NFASC: variants seen among roughly 807,000 people sequenced by gnomAD.
NFASC encodes the protein neurofascin homolog.
A neutral mutation model predicts 147.5 loss-of-function variants in NFASC; 43 were observed. The ratio of observed to expected loss-of-function variants is 0.29; its 90% CI spans 0.23 to 0.38. The LOEUF is 0.38. Among genes scored for constraint, NFASC ranks in the 10% least tolerant of loss-of-function variants. NFASC has a pLI of 1.00. For synonymous variants in NFASC, 622 were observed against 665.5 expected (o/e 0.93, Z 1.01); for missense variants, 1,320 against 1,689.0 (o/e 0.78, Z 3.83).
intron 1 of NFASC, among the ~76,000 whole-genome samples, chr1:204,892,877 T>G (rs1413158250): frequency 6.6e-6 from 1 of 152,276 alleles, no homozygotes; most frequent in Non-Finnish European, 1.5e-5. Context: ...CACGCCCACC[T>G]GGCATTTGAC....
At chr1:204,857,316 T>C (rs1370335028) in intron 1 of NFASC, among the ~76,000 whole-genome samples, 1 of 152,248 alleles carries the variant, frequency 6.6e-6, no homozygotes, top group East Asian at 1.9e-4. Flanking sequence ...TGGCCACTTC[T>C]CGATTCTGCT....
At chr1:204,943,088 A>C (rs1415726876) in intron 2 of NFASC, among the ~76,000 whole-genome samples, 1 of 152,232 alleles carries the variant, frequency 6.6e-6, no homozygotes, top group East Asian at 1.9e-4. Context: ...CGAATAAAAT[A>C]GGAGCAGGAG....
chr1:205,000,533 C>G (rs891648649), intron 25 of NFASC: 1 of 153,902 alleles, frequency 6.5e-6, no homozygotes, highest in African/African-American at 2.4e-5. Flanking sequence ...CACATCTTCT[C>G]TGTGTGGCCT....
At chr1:204,852,223 G>T (rs566363724) in intron 1 of NFASC, among the ~76,000 whole-genome samples, 1 of 152,210 alleles carries the variant, frequency 6.6e-6, no homozygotes, top group South Asian at 2.1e-4. Context: ...GTAAGGCTTG[G>T]CGTGGTAGCT....
chr1:204,967,045 A>G (rs1317474307), intron 8 of NFASC, among the ~76,000 whole-genome samples: 1 of 152,070 alleles, frequency 6.6e-6, no homozygotes, highest in African/African-American at 2.4e-5. Context: ...AGCACCGATT[A>G]AACCCTGGAT....
chr1:204,952,849 G>A (rs1468409771), intron 5 of NFASC, among the ~76,000 whole-genome samples: 2 of 152,166 alleles, frequency 1.3e-5, no homozygotes, highest in African/African-American at 4.8e-5. Flanking sequence ...CCACATCTAG[G>A]GTGTGTCTGT....
At chr1:204,955,094 C>A in intron 7 of NFASC, 143 bp downstream of exon 7, 1 of 973,336 alleles carries the variant, frequency 1.0e-6, no homozygotes. Context: ...GCTGAGAACA[C>A]AGGCTCTGCA....
At chr1:204,878,539 C>T (rs147558507) in intron 1 of NFASC, among the ~76,000 whole-genome samples, 3 of 152,266 alleles carry the variant, frequency 2.0e-5, no homozygotes, top group African/African-American at 7.2e-5. Context: ...GGCTTTCTTG[C>T]CCTAGTTCTG....
intron 1 of NFASC, among the ~76,000 whole-genome samples, chr1:204,850,317 T>C (rs1558496452): frequency 6.6e-6 from 1 of 152,352 alleles, no homozygotes; most frequent in South Asian, 2.1e-4. Flanking sequence ...TGTCCCATGT[T>C]TTCTTCCTTA....
intron 3 of NFASC, among the ~76,000 whole-genome samples, chr1:204,950,253 T>C (rs1313255904): frequency 1.3e-5 from 2 of 152,194 alleles, no homozygotes; most frequent in African/African-American, 4.8e-5. Context: ...CTTGGGGACA[T>C]GTGGACTTCC....
intron 1 of NFASC, among the ~76,000 whole-genome samples, chr1:204,861,141 T>C (rs1266986714): frequency 1.5e-5 from 2 of 137,866 alleles, no homozygotes; most frequent in Non-Finnish European, 3.0e-5. Flanking sequence ...CAGGCTGGAG[T>C]GCAGTGGTGC....
chr1:204,948,664 GTA>G, intron 3 of NFASC: 1 of 519,068 alleles, frequency 1.9e-6, no homozygotes, highest in Non-Finnish European at 3.8e-6. Flanking sequence ...CAAACTTCCT[GTA>G]TGATCTTGGC....
chr1:204,874,553 C>T (rs183613239), intron 1 of NFASC, among the ~76,000 whole-genome samples: 6 of 152,300 alleles, frequency 3.9e-5, no homozygotes, highest in Admixed American at 1.3e-4. Flanking sequence ...CATTCCTGCA[C>T]TTCCAACCCA....
At chr1:204,976,572 G>C in intron 15 of NFASC, 99 bp from the exon 16 acceptor site, 1 of 843,916 alleles carries the variant, frequency 1.2e-6, no homozygotes, top group Non-Finnish European at 1.9e-6. Context: ...AGCTTCCCTT[G>C]CCCTCCTGAC....
intron 2 of NFASC, among the ~76,000 whole-genome samples, chr1:204,923,395 G>A (rs1196132803): frequency 2.6e-5 from 4 of 151,754 alleles, no homozygotes; most frequent in East Asian, 1.9e-4. Context: ...CTTCCCTCCC[G>A]CCATCCCCAG....
intron 1 of NFASC, among the ~76,000 whole-genome samples, chr1:204,891,052 G>C (rs531771779): frequency 6.6e-6 from 1 of 152,338 alleles, no homozygotes; most frequent in African/African-American, 2.4e-5. Context: ...GAAGCAGCTA[G>C]ACATAAGGTG....
At chr1:204,837,648 A>C (rs1674148206) in intron 1 of NFASC, among the ~76,000 whole-genome samples, 1 of 152,128 alleles carries the variant, frequency 6.6e-6, no homozygotes, top group African/African-American at 2.4e-5. Flanking sequence ...GCTGAAATAC[A>C]CTGGGAAGGA....
chr1:204,978,614 G>A (rs766245598), intron 17 of NFASC, among the ~76,000 whole-genome samples: 7 of 152,338 alleles, frequency 4.6e-5, no homozygotes, highest in South Asian at 4.1e-4. Flanking sequence ...CCTAAGTGTC[G>A]TGAGCATGGG....
At chr1:204,862,000 A>G (rs2076723876) in intron 1 of NFASC, among the ~76,000 whole-genome samples, 1 of 152,178 alleles carries the variant, frequency 6.6e-6, no homozygotes. Context: ...TAGTGGTGTT[A>G]CCAGATCTTA....
Sources: allele counts gnomAD v4.1 joint callset (sites outside exome capture counted in the v4.1 genomes callset), GRCh38; gene constraint gnomAD v4.1.1; transcripts MANE v1.5; gene names NCBI Gene and HGNC (gene_info 2026-07-23, HGNC 2026-07-21).